GALNT14: variants seen among roughly 807,000 people sequenced by gnomAD.
GALNT14 encodes the protein polypeptide N-acetylgalactosaminyltransferase 14.
A neutral mutation model predicts 77.5 loss-of-function variants in GALNT14; 60 were observed. That is an observed-to-expected ratio of 0.77 (90% CI 0.63 to 0.96). The LOEUF is 0.96. Among genes scored for constraint, GALNT14 ranks in the 40% least tolerant of loss-of-function variants. The pLI is 0.00. For synonymous variants in GALNT14, 280 were observed against 281.7 expected (o/e 0.99, Z 0.06); for missense variants, 710 against 731.0 (o/e 0.97, Z 0.33).
chr2:30,986,332 C>T (rs568713006), intron 2 of GALNT14, among the ~76,000 whole-genome samples: 1 of 152,330 alleles, frequency 6.6e-6, no homozygotes, highest in South Asian at 2.1e-4. Context: ...ATCAAAGCAA[C>T]CCCATAATAG....
intron 1 of GALNT14, among the ~76,000 whole-genome samples, chr2:31,091,333 C>T (rs190996486): frequency 6.6e-6 from 1 of 152,384 alleles, no homozygotes; most frequent in Admixed American, 6.5e-5. Context: ...ACACCATGCT[C>T]ATTTGTTTAC....
At position 30,938,359 on chromosome 2, in the gene GALNT14, T is replaced by TACACACACACAC. The variant is rs151007812; in HGVS notation, c.931+3830_931+3841dup. 9.2e-5 allele frequency among the ~76,000 whole-genome samples: 13 copies of TACACACACACAC among 140,970 alleles called. No individual in the cohort carries two copies. The South Asian group carries it at 1.2e-3, about 13-fold the overall frequency. The allele number at this position is 140,970 out of a possible 152,430, so 92.5% of individuals were successfully genotyped here. On this transcript the variant is annotated intron_variant, in intron 9 of 14. Transcript: ENST00000349752. ...TTATACTAGGGCAACAGATTCCTTT[T>TACACACACACAC]ACACACACACACACACACACACACA... is the stretch of plus-strand genomic sequence containing the variant.
intron 3 of GALNT14, among the ~76,000 whole-genome samples, chr2:30,963,184 C>T (rs1667795823): frequency 6.6e-6 from 1 of 152,162 alleles, no homozygotes; most frequent in Non-Finnish European, 1.5e-5. Flanking sequence ...CTGAAAAGTA[C>T]AGGGCTGATG....
chr2:30,909,453 GA>G (rs1366067223), downstream of GALNT14, among the ~76,000 whole-genome samples: 3 of 151,984 alleles, frequency 2.0e-5, no homozygotes, highest in African/African-American at 7.2e-5. Context: ...ACAGACACAT[GA>G]AAAAATGCTC....
intron 1 of GALNT14, among the ~76,000 whole-genome samples, chr2:31,089,536 A>T (rs911269945): frequency 3.3e-5 from 5 of 151,066 alleles, no homozygotes; most frequent in Admixed American, 2.0e-4. Flanking sequence ...GTTTGGATTT[A>T]TTTTTTTTTC....
chr2:30,910,111 G>C (rs1475114700), downstream of GALNT14, among the ~76,000 whole-genome samples: 2 of 151,190 alleles, frequency 1.3e-5, no homozygotes, highest in African/African-American at 4.9e-5. Flanking sequence ...CCTAATGCTA[G>C]ATGACGAGTT....
chr2:31,116,342 C>T (rs1678107335), intron 1 of GALNT14, among the ~76,000 whole-genome samples: 1 of 151,980 alleles, frequency 6.6e-6, no homozygotes, highest in Non-Finnish European at 1.5e-5. Context: ...AAAATACAAA[C>T]ATTATCAGAT....
chr2:31,042,306 A>C (rs538490650), intron 1 of GALNT14, among the ~76,000 whole-genome samples: 1 of 152,350 alleles, frequency 6.6e-6, no homozygotes, highest in Non-Finnish European at 1.5e-5. Context: ...TGTGTTAAGT[A>C]AAGCATATCT....
chr2:30,999,209 G>A (rs1670214785), intron 1 of GALNT14, among the ~76,000 whole-genome samples: 1 of 152,160 alleles, frequency 6.6e-6, no homozygotes, highest in Admixed American at 6.5e-5. Context: ...ACTGCCCCAT[G>A]GACATCCCTC....
intron 6 of GALNT14, among the ~76,000 whole-genome samples, chr2:30,949,968 C>T (rs1481470594): frequency 6.6e-6 from 1 of 152,184 alleles, no homozygotes; most frequent in African/African-American, 2.4e-5. Flanking sequence ...TGACAGGACA[C>T]CTGGGTTCCC....
intron 1 of GALNT14, among the ~76,000 whole-genome samples, chr2:31,121,209 T>G (rs566030524): frequency 2.0e-5 from 3 of 152,346 alleles, no homozygotes; most frequent in African/African-American, 7.2e-5. Flanking sequence ...GCTTCATCTG[T>G]AAGGAATCTA....
chr2:31,041,658 G>C (rs1429419634), intron 1 of GALNT14, among the ~76,000 whole-genome samples: 2 of 152,168 alleles, frequency 1.3e-5, no homozygotes, highest in Non-Finnish European at 2.9e-5. Flanking sequence ...TAGGCAAGAT[G>C]ATGGGAAGAA....
At chr2:30,890,597 G>T in the GALNT14 span, among the ~76,000 whole-genome samples, 1 of 152,162 alleles carries the variant, frequency 6.6e-6, no homozygotes, top group Non-Finnish European at 1.5e-5. Context: ...AGGCATTTAT[G>T]AAGTATTTTC....
chr2:31,114,655 A>G, intron 1 of GALNT14: 1 of 661,634 alleles, frequency 1.5e-6, no homozygotes, highest in Non-Finnish European at 2.8e-6. Flanking sequence ...CTAAAAACCC[A>G]GCTTGTGAAT....
intron 1 of GALNT14, among the ~76,000 whole-genome samples, chr2:31,103,757 C>T (rs1454470938): frequency 6.6e-6 from 1 of 152,142 alleles, no homozygotes; most frequent in Non-Finnish European, 1.5e-5. Flanking sequence ...ATTTCTACAT[C>T]ACCAGGGCAC....
intron 1 of GALNT14, among the ~76,000 whole-genome samples, chr2:31,123,696 GT>G (rs1268076334): frequency 1.3e-5 from 2 of 152,178 alleles, no homozygotes; most frequent in Non-Finnish European, 2.9e-5. Context: ...TTCAACCACA[GT>G]TTTCTGAGCT....
intron 1 of GALNT14, among the ~76,000 whole-genome samples, chr2:31,072,488 T>A (rs925513119): frequency 6.6e-6 from 1 of 152,052 alleles, no homozygotes; most frequent in African/African-American, 2.4e-5. Context: ...TTCTCTCATT[T>A]CCTTTCTGTT....
chr2:31,098,792 ATATG>A (rs1677121013), intron 1 of GALNT14, among the ~76,000 whole-genome samples: 1 of 152,174 alleles, frequency 6.6e-6, no homozygotes, highest in Non-Finnish European at 1.5e-5. Context: ...TGTATGTGTT[ATATG>A]TATTATATAC....
chr2:30,939,771 C>T (rs1326264119), intron 9 of GALNT14, among the ~76,000 whole-genome samples: 1 of 152,058 alleles, frequency 6.6e-6, no homozygotes, highest in African/African-American at 2.4e-5. Context: ...CCCTTCCTGC[C>T]ACACTCTGGA....
Sources: allele counts gnomAD v4.1 joint callset (sites outside exome capture counted in the v4.1 genomes callset), GRCh38; gene constraint gnomAD v4.1.1; transcripts MANE v1.5; gene names NCBI Gene and HGNC (gene_info 2026-07-23, HGNC 2026-07-21).